The following ANKRD45 variants were observed in gnomAD, a reference collection of about 807,000 sequenced individuals.
The protein encoded by ANKRD45 is ankyrin repeat domain-containing protein 45.
A neutral mutation model predicts 28.1 loss-of-function variants in ANKRD45; 21 were observed. The observed-to-expected ratio is 0.75, with a 90% confidence interval of 0.53 to 1.08. The LOEUF (loss-of-function observed/expected upper bound fraction) is 1.08. Among genes scored for constraint, ANKRD45 ranks in the 50% least tolerant of loss-of-function variants. ANKRD45 has a pLI of 0.00. For synonymous variants in ANKRD45, 86 were observed against 103.9 expected (o/e 0.83, Z 1.05); for missense variants, 261 against 308.7 (o/e 0.85, Z 1.16).
rs1411118252 is a variant in ANKRD45, at chr1:173,608,984, A to G, written c.*1161T>C. On this transcript the variant is annotated 3_prime_UTR_variant, in exon 6 of 6. Transcript: ENST00000333279. ...GGAAGGAGAAGGGGAAGGGAAGGGA[A>G]AAGGGAGAAGGGAGAAGGAGGGTAA... Among the ~76,000 whole-genome samples, 1 of 145,180 alleles carries G rather than the reference A, an allele frequency of 6.9e-6. No homozygotes were observed. The highest frequency in any genetic ancestry group is 1.5e-5 in the Non-Finnish European group (1 of 65,958).
intron 2 of ANKRD45, among the ~76,000 whole-genome samples, chr1:173,653,154 T>C (rs548599163): frequency 6.6e-6 from 1 of 152,340 alleles, no homozygotes; most frequent in East Asian, 1.9e-4. Context: ...TGAATATGTT[T>C]GCTCTTGCTT....
intron 5 of ANKRD45, among the ~76,000 whole-genome samples, chr1:173,618,325 G>A (rs1667554102): frequency 6.6e-6 from 1 of 152,182 alleles, no homozygotes; most frequent in African/African-American, 2.4e-5. Context: ...TTTAGAAGGT[G>A]GGTAATAATG....
chr1:173,627,236 C>T (rs1428747383), intron 3 of ANKRD45, 77 bp from the exon 4 acceptor site: 3 of 912,974 alleles, frequency 3.3e-6, no homozygotes, highest in Non-Finnish European at 5.3e-6. Context: ...TGGAAGCCTC[C>T]ACTGTCCACC....
chr1:173,628,300 C>T (rs1345224160), intron 3 of ANKRD45, among the ~76,000 whole-genome samples: 1 of 151,730 alleles, frequency 6.6e-6, no homozygotes, highest in Non-Finnish European at 1.5e-5. Flanking sequence ...CCAGCTCAGC[C>T]ACAGTGGTGT....
chr1:173,648,605 CCTCT>C (rs1184523978), intron 2 of ANKRD45, among the ~76,000 whole-genome samples: 1 of 152,110 alleles, frequency 6.6e-6, no homozygotes, highest in Non-Finnish European at 1.5e-5. Context: ...TTAGGAATCC[CCTCT>C]CTAAATAAGG....
chr1:173,643,753 G>GA (rs1668804001), intron 3 of ANKRD45, among the ~76,000 whole-genome samples: 1 of 151,540 alleles, frequency 6.6e-6, no homozygotes, highest in South Asian at 2.1e-4. Context: ...AAAAATCCCA[G>GA]AAAAAATATA....
intron 5 of ANKRD45, chr1:173,612,747 C>G (rs953628124): frequency 1.3e-5 from 2 of 155,966 alleles, no homozygotes; most frequent in Non-Finnish European, 2.8e-5. Flanking sequence ...CGCGCCGCCA[C>G]GCCTGACTGG....
chr1:173,631,764 A>C (rs887061011), intron 3 of ANKRD45, among the ~76,000 whole-genome samples: 16 of 152,186 alleles, frequency 1.1e-4, no homozygotes, highest in Non-Finnish European at 2.9e-5. Context: ...ATTACTAATA[A>C]GAAGGAAATT....
chr1:173,610,554 T>C (rs892804247), intron 5 of ANKRD45, among the ~76,000 whole-genome samples: 7 of 152,036 alleles, frequency 4.6e-5, no homozygotes, highest in Non-Finnish European at 8.8e-5. Context: ...GATCTAACAT[T>C]CTGTGATATG....
chr1:173,616,323 C>T (rs1018933288), intron 5 of ANKRD45, among the ~76,000 whole-genome samples: 1 of 151,710 alleles, frequency 6.6e-6, no homozygotes. Flanking sequence ...ACCTGCCCTG[C>T]CCCCAGAAAA....
chr1:173,661,395 C>G (rs193247222), intron 1 of ANKRD45, among the ~76,000 whole-genome samples: 1 of 152,286 alleles, frequency 6.6e-6, no homozygotes, highest in East Asian at 1.9e-4. Flanking sequence ...TGGGAATGAG[C>G]ATGTTGGCCA....
At chr1:173,623,263 G>A (rs761936949) in intron 5 of ANKRD45, among the ~76,000 whole-genome samples, 44 of 151,694 alleles carry the variant, frequency 2.9e-4, no homozygotes, top group Admixed American at 3.9e-4. Flanking sequence ...CAGTGGAGGC[G>A]GGGGTTGCAG....
At chr1:173,677,974 G>A in the ANKRD45 span, among the ~76,000 whole-genome samples, 7 of 152,184 alleles carry the variant, frequency 4.6e-5, no homozygotes, top group South Asian at 1.0e-3. Context: ...GTTAGCACCA[G>A]GCCACAACAA....
At chr1:173,697,817 A>G in the ANKRD45 span, among the ~76,000 whole-genome samples, 1 of 152,230 alleles carries the variant, frequency 6.6e-6, no homozygotes, top group Non-Finnish European at 1.5e-5. Context: ...ACATAACAAT[A>G]TTAACCTTAA....
chr1:173,670,036 T>G (rs997372906), upstream of ANKRD45, among the ~76,000 whole-genome samples: 3 of 152,240 alleles, frequency 2.0e-5, no homozygotes, highest in Non-Finnish European at 4.4e-5. Context: ...TAATAAGGTA[T>G]TTGTTTTACA....
the ANKRD45 span, among the ~76,000 whole-genome samples, chr1:173,704,459 A>G: frequency 6.6e-6 from 1 of 152,318 alleles, no homozygotes; most frequent in East Asian, 1.9e-4. Context: ...TTAATTGTCA[A>G]ATTAATCACT....
chr1:173,619,265 C>T (rs898863943), intron 5 of ANKRD45, among the ~76,000 whole-genome samples: 9 of 152,148 alleles, frequency 5.9e-5, no homozygotes, highest in African/African-American at 2.2e-4. Context: ...ATCATGATGA[C>T]AGGATCAAAT....
At chr1:173,693,970 T>G in the ANKRD45 span, among the ~76,000 whole-genome samples, 1 of 152,190 alleles carries the variant, frequency 6.6e-6, no homozygotes, top group Non-Finnish European at 1.5e-5. Context: ...ATGCCATAGG[T>G]TGCTGGCTAG....
At chr1:173,645,238 T>A (rs1668872382) in intron 3 of ANKRD45, among the ~76,000 whole-genome samples, 1 of 152,200 alleles carries the variant, frequency 6.6e-6, no homozygotes, top group African/African-American at 2.4e-5. Flanking sequence ...TCAAGTTCCT[T>A]GTTTCTATCA....
Sources: gnomAD v4.1 joint callset for allele counts (sites outside exome capture counted in the v4.1 genomes callset) on GRCh38, gnomAD v4.1.1 for gene constraint, MANE v1.5 for transcripts, NCBI Gene and HGNC (gene_info 2026-07-23, HGNC 2026-07-21) for gene names.